GPC5: variants seen among roughly 807,000 people sequenced by gnomAD.
The protein encoded by GPC5 is glypican 5, also known as glypican-5.
A neutral mutation model predicts 53.9 loss-of-function variants in GPC5; 47 were observed. That is an observed-to-expected ratio of 0.87 (90% CI 0.69 to 1.11). GPC5 has a LOEUF of 1.11. GPC5 is among the 50% of genes most tolerant of loss of function. The pLI is 0.00. For missense variants in GPC5, 748 were observed against 713.1 expected (o/e 1.05, Z -0.56); for synonymous variants, 286 against 263.3 (o/e 1.09, Z -0.84).
Position 91,900,731 on chromosome 13 carries a change from G to A in GPC5, c.1281-7206G>A, listed in dbSNP as rs556396353. ...GCTAAGCAATGTTCTATTTTTTTAC[G>A]TAGGCAAAAGTTCATTTGTGCTACT... On this transcript the variant is annotated intron_variant, in intron 5 of 7. Coordinates refer to ENST00000377067, the MANE Select transcript of GPC5 (RefSeq NM_004466.6). Among the ~76,000 whole-genome samples the A allele has an allele frequency of 4.3e-4, 65 of 152,140 alleles. No homozygotes were observed. In the South Asian group the frequency reaches 0.012, roughly 28 times the overall value.
intron 6 of GPC5, among the ~76,000 whole-genome samples, chr13:92,032,418 TC>T (rs1177725642): frequency 6.7e-6 from 1 of 148,914 alleles, no homozygotes; most frequent in Admixed American, 6.7e-5. Flanking sequence ...ACCACCCGTT[TC>T]CCCCCAAACC....
intron 5 of GPC5, among the ~76,000 whole-genome samples, chr13:91,790,770 GT>G (rs1374082679): frequency 1.3e-5 from 2 of 152,182 alleles, no homozygotes; most frequent in Non-Finnish European, 2.9e-5. Flanking sequence ...TAGCAAGCTG[GT>G]TTTTGGATTC....
At chr13:92,135,239 T>A (rs1397870247) in intron 6 of GPC5, among the ~76,000 whole-genome samples, 1 of 152,166 alleles carries the variant, frequency 6.6e-6, no homozygotes, top group African/African-American at 2.4e-5. Context: ...TTTTCACAAA[T>A]TTTTTTCAGG....
chr13:92,219,852 T>C lies in GPC5; in HGVS notation c.1561+74863T>C, dbSNP rs149206711. Among the ~76,000 whole-genome samples, 166 of 152,286 alleles carry C rather than the reference T, an allele frequency of 1.1e-3. 1 individual carries two copies. In the East Asian group the frequency reaches 0.031, roughly 28 times the overall value. On this transcript the variant is annotated intron_variant, in intron 7 of 7. Coordinates refer to ENST00000377067, the MANE Select transcript of GPC5 (RefSeq NM_004466.6). Reference sequence around the variant, plus strand: ...AAGCAAGTGACCAATCAGAAACCTCTAGAGGGTTTTTAAACCCCAGAAAAT... The same window carrying C: ...AAGCAAGTGACCAATCAGAAACCTCCAGAGGGTTTTTAAACCCCAGAAAAT...
At chr13:92,081,102 C>A (rs2041291449) in intron 6 of GPC5, among the ~76,000 whole-genome samples, 1 of 152,064 alleles carries the variant, frequency 6.6e-6, no homozygotes, top group South Asian at 2.1e-4. Context: ...TGTCTTTCAA[C>A]TTTTTATTTT....
At chr13:92,320,188 C>A (rs905246201) in intron 7 of GPC5, among the ~76,000 whole-genome samples, 1 of 152,034 alleles carries the variant, frequency 6.6e-6, no homozygotes, top group African/African-American at 2.4e-5. Flanking sequence ...AGTTTCTTCC[C>A]AAGTATGAAA....
At chr13:92,704,987 T>A (rs539620064) in intron 7 of GPC5, among the ~76,000 whole-genome samples, 1 of 151,524 alleles carries the variant, frequency 6.6e-6, no homozygotes, top group East Asian at 1.9e-4. Context: ...TCTTTAATGA[T>A]CTCGATGTGT....
intron 6 of GPC5, among the ~76,000 whole-genome samples, chr13:91,908,854 T>C (rs2039581632): frequency 6.6e-6 from 1 of 152,174 alleles, no homozygotes; most frequent in East Asian, 1.9e-4. Flanking sequence ...TATGGGTAGT[T>C]GATATTTATT....
At chr13:92,321,628 C>CATAT (rs1566537914) in intron 7 of GPC5, among the ~76,000 whole-genome samples, 1 of 151,928 alleles carries the variant, frequency 6.6e-6, no homozygotes, top group Admixed American at 6.6e-5. Flanking sequence ...TACATACATA[C>CATAT]ATACATACAT....
At chr13:91,778,389 G>A (rs980551674) in intron 5 of GPC5, among the ~76,000 whole-genome samples, 4 of 152,074 alleles carry the variant, frequency 2.6e-5, no homozygotes, top group African/African-American at 9.7e-5. Context: ...AGATTCAATG[G>A]TTATAAGTTT....
At chr13:92,330,888 T>G (rs2139235288) in intron 7 of GPC5, among the ~76,000 whole-genome samples, 1 of 152,270 alleles carries the variant, frequency 6.6e-6, no homozygotes, top group South Asian at 2.1e-4. Context: ...TTTCCTCTTC[T>G]TCTGCTTTCA....
At chr13:91,803,604 G>A (rs189217984) in intron 5 of GPC5, among the ~76,000 whole-genome samples, 5 of 152,068 alleles carry the variant, frequency 3.3e-5, no homozygotes, top group East Asian at 3.9e-4. Context: ...AAAGGTGTGC[G>A]TGTTACCCAG....
At position 92,845,865 on chromosome 13, in the gene GPC5, G is replaced by GGTTT. The variant is rs141394110; in HGVS notation, c.1562-20415_1562-20414insTTGT. Reference sequence around the variant, plus strand: ...TTGTAGCCTACATCATAAATATACAGGTATCTAGTTGTACATTTGTACATA... The same window carrying GGTTT: ...TTGTAGCCTACATCATAAATATACAGGTTTGTATCTAGTTGTACATTTGTACATA... On this transcript the variant is annotated intron_variant, in intron 7 of 7. Coordinates refer to ENST00000377067, the MANE Select transcript of GPC5 (RefSeq NM_004466.6). 0.025 allele frequency among the ~76,000 whole-genome samples: 3,862 copies of GGTTT among 151,994 alleles called. 383 individuals carry two copies. In the East Asian group the frequency reaches 0.33, roughly 13 times the overall value.
chr13:91,969,940 C>G (rs759247871), intron 6 of GPC5, among the ~76,000 whole-genome samples: 1 of 152,168 alleles, frequency 6.6e-6, no homozygotes, highest in African/African-American at 2.4e-5. Flanking sequence ...TTTGGTACAA[C>G]GAGTATGGAA....
intron 7 of GPC5, among the ~76,000 whole-genome samples, chr13:92,204,379 T>A (rs1490350918): frequency 6.6e-6 from 1 of 152,164 alleles, no homozygotes; most frequent in Non-Finnish European, 1.5e-5. Flanking sequence ...TTGCAATGTC[T>A]GGGAAGTGGT....
Position 92,866,478 on chromosome 13 carries a change from G to C in GPC5, c.*39G>C. 6.7e-7 allele frequency: 1 copy of C among 1,486,270 alleles called. No homozygotes were observed. The highest frequency in any genetic ancestry group is 1.3e-5 in the South Asian group (1 of 74,174). 92.1% of individuals were successfully genotyped at this position (1,486,270 alleles called of 1,614,324 possible). ...TCCTGACATACCTTACTGAAGTCTC[G>C]ATTTCTTCTCTCTCTGCATATGCCT... On this transcript the variant is annotated 3_prime_UTR_variant, in exon 8 of 8. Transcript: ENST00000377067.
intron 5 of GPC5, among the ~76,000 whole-genome samples, chr13:91,830,150 C>T (rs1404486934): frequency 2.0e-5 from 3 of 151,898 alleles, no homozygotes; most frequent in African/African-American, 4.8e-5. Flanking sequence ...CCAGGGGGGC[C>T]GTGTATAGAC....
At chr13:92,372,428 A>G (rs980323558) in intron 7 of GPC5, among the ~76,000 whole-genome samples, 1 of 152,192 alleles carries the variant, frequency 6.6e-6, no homozygotes, top group Admixed American at 6.5e-5. Context: ...TTCCAAAAAC[A>G]TTACTAATTT....
chr13:92,133,239 A>G (rs1006825692), intron 6 of GPC5, among the ~76,000 whole-genome samples: 2 of 152,166 alleles, frequency 1.3e-5, no homozygotes, highest in African/African-American at 4.8e-5. Flanking sequence ...GTTTATGTAA[A>G]GAAAGGTAGC....
Sources: allele counts gnomAD v4.1 joint callset (sites outside exome capture counted in the v4.1 genomes callset), GRCh38; gene constraint gnomAD v4.1.1; transcripts MANE v1.5; gene names NCBI Gene and HGNC (gene_info 2026-07-23, HGNC 2026-07-21).